Variants in BMERB1 observed in about 807,000 individuals in gnomAD.
BMERB1 encodes bMERB domain-containing protein 1.
A neutral mutation model predicts 23.6 loss-of-function variants in BMERB1; 12 were observed. The observed-to-expected ratio is 0.51, with a 90% CI of 0.33 to 0.82. BMERB1 has a LOEUF of 0.82. BMERB1 is among the 40% of genes least tolerant of loss of function. BMERB1 has a pLI of 0.03. For missense variants in BMERB1, 247 were observed against 255.4 expected, an observed-to-expected ratio of 0.97 and a Z score of 0.22; for synonymous variants, 122 against 96.6, an observed-to-expected ratio of 1.26 and a Z score of -1.54.
At chr16:15,511,990 G>T (rs943854745) in intron 1 of BMERB1, among the ~76,000 whole-genome samples, 2 of 107,774 alleles carry the variant, frequency 1.9e-5, no homozygotes, top group African/African-American at 6.9e-5. Flanking sequence ...TCCAGCCTGG[G>T]CAACAGAGCA....
chr16:15,564,024 CT>C (rs2030499166), intron 2 of BMERB1, among the ~76,000 whole-genome samples: 1 of 152,184 alleles, frequency 6.6e-6, no homozygotes, highest in African/African-American at 2.4e-5. Context: ...GCACCTCCCC[CT>C]CTCTCTTGCT....
chr16:15,514,193 C>T (rs1488219070), intron 1 of BMERB1, among the ~76,000 whole-genome samples: 1 of 152,068 alleles, frequency 6.6e-6, no homozygotes, highest in Non-Finnish European at 1.5e-5. Flanking sequence ...CCCTTGAGCC[C>T]AGGGTTCGAG....
At chr16:15,502,438 G>A in intron 1 of BMERB1, 1 of 1,338,444 alleles carries the variant, frequency 7.5e-7, no homozygotes. Context: ...GAGAAATCGA[G>A]CAGCCAGGAG....
intron 2 of BMERB1, among the ~76,000 whole-genome samples, chr16:15,529,326 G>A (rs547462183): frequency 1.3e-5 from 2 of 152,150 alleles, no homozygotes; most frequent in East Asian, 1.9e-4. Flanking sequence ...GCGCCCGGCG[G>A]TGTTTGTTGT....
intron 3 of BMERB1, among the ~76,000 whole-genome samples, chr16:15,580,095 ATT>A (rs35772701): frequency 3.5e-4 from 50 of 140,846 alleles, no homozygotes; most frequent in Middle Eastern, 3.9e-3. Context: ...TGCCCTCTCA[ATT>A]TTTTTTTTTT....
intron 1 of BMERB1, among the ~76,000 whole-genome samples, chr16:15,435,340 A>T (rs764259935): frequency 2.6e-5 from 4 of 152,200 alleles, no homozygotes; most frequent in Non-Finnish European, 5.9e-5. Context: ...CTCTTGACTC[A>T]GTTAAAGTCT....
In BMERB1 at chr16:15,491,397, A is replaced by G. The variant is rs181856630; in HGVS notation, c.107-23908A>G. ...AGACAGAGTTTCCCTCTTGTTGCCC[A>G]GTCTGGAGTGCAATGGTGAGATCTT... On this transcript the variant is annotated intron_variant, in intron 1 of 5. Transcript: ENST00000300006. 4.0e-5 allele frequency among the ~76,000 whole-genome samples: 6 copies of G among 150,420 alleles called. No individual in the cohort carries two copies. In the East Asian group the frequency reaches 1.0e-3, roughly 25 times the overall value.
chr16:15,483,100 C>T (rs2051337723), intron 1 of BMERB1, among the ~76,000 whole-genome samples: 1 of 152,158 alleles, frequency 6.6e-6, no homozygotes, highest in South Asian at 2.1e-4. Context: ...CATATCCTGC[C>T]TTTTTCACTC....
At position 15,488,608 on chromosome 16, in the gene BMERB1, T is replaced by TG. The variant is rs372926343; in HGVS notation, c.107-26695dup. Among the ~76,000 whole-genome samples the TG allele has an allele frequency of 3.7e-3, 545 of 147,820 alleles. 4 individuals carry two copies. Among genetic ancestry groups the TG allele is most frequent in the African/African-American group, 0.012 (495 of 40,088 alleles). ...CAGCACTTTGGGAGGCCGAGGCGGG[T>TG]GGATCACGAGGTCAGGAGAGCAAGA... On this transcript the variant is annotated intron_variant, in intron 1 of 5. Coordinates refer to ENST00000300006, the MANE Select transcript of BMERB1 (RefSeq NM_033201.3).
At chr16:15,490,697 A>G (rs552329195) in intron 1 of BMERB1, among the ~76,000 whole-genome samples, 1 of 152,308 alleles carries the variant, frequency 6.6e-6, no homozygotes, top group East Asian at 1.9e-4. Context: ...CATTCAGCCA[A>G]TTCTGTGCGA....
At position 15,577,871 on chromosome 16, in the gene BMERB1, C is replaced by T. The variant is rs150999252; in HGVS notation, c.305-3346C>T. 2.6e-5 allele frequency among the ~76,000 whole-genome samples: 4 copies of T among 152,324 alleles called. No homozygotes were observed. In the East Asian group the frequency reaches 7.7e-4, roughly 29 times the overall value. ...ATACCAGTTAGACTCCGCCATTTTG[C>T]CTCTTAATGTGCATGCTTGAGCCCA... On this transcript the variant is annotated intron_variant, in intron 3 of 5. Coordinates refer to ENST00000300006, the MANE Select transcript of BMERB1 (RefSeq NM_033201.3).
At chr16:15,499,396 T>TA (rs887324289) in intron 1 of BMERB1, among the ~76,000 whole-genome samples, 1 of 150,950 alleles carries the variant, frequency 6.6e-6, no homozygotes, top group Non-Finnish European at 1.5e-5. Flanking sequence ...AGACTCCATC[T>TA]AAAAAAATAA....
intron 1 of BMERB1, 86 bp from the exon 2 acceptor site, chr16:15,515,219 A>G (rs372012252): frequency 6.3e-7 from 1 of 1,584,904 alleles, no homozygotes; most frequent in African/African-American, 1.3e-5. Context: ...GTCGCAGAGC[A>G]AGGCTGTGCC....
intron 2 of BMERB1, among the ~76,000 whole-genome samples, chr16:15,521,511 C>A (rs1016235821): frequency 1.3e-5 from 2 of 152,302 alleles, no homozygotes; most frequent in Middle Eastern, 3.4e-3. Flanking sequence ...GGAACCACCC[C>A]AACCCAGGAC....
intron 4 of BMERB1, 107 bp downstream of exon 4, chr16:15,581,438 C>A: frequency 2.3e-6 from 2 of 868,188 alleles, no homozygotes; most frequent in Non-Finnish European, 3.6e-6. Flanking sequence ...GCCTAACAGG[C>A]ATGGCCTTGA....
rs1362866927 is a variant in BMERB1, at chr16:15,453,447, G to A, written c.106+18688G>A. Among the ~76,000 whole-genome samples the A allele has an allele frequency of 2.0e-5, 3 of 152,042 alleles. No homozygotes were observed. The East Asian group carries it at 5.8e-4, about 29-fold the overall frequency. ...AAAATAATTACCTGGGTGTGGTGGT[G>A]TACCTCTAATTCTATTATTAGCTAC... On this transcript the variant is annotated intron_variant, in intron 1 of 5. Transcript: ENST00000300006.
chr16:15,580,364 A>G (rs1181060712), intron 3 of BMERB1, among the ~76,000 whole-genome samples: 3 of 152,066 alleles, frequency 2.0e-5, no homozygotes, highest in Non-Finnish European at 2.9e-5. Context: ...TTGGTCTCCC[A>G]AAGTGCTGGG....
intron 2 of BMERB1, among the ~76,000 whole-genome samples, chr16:15,553,057 G>A (rs1002391182): frequency 9.2e-5 from 14 of 152,084 alleles, no homozygotes; most frequent in African/African-American, 3.4e-4. Flanking sequence ...GCCCAGGCTG[G>A]AGTTCAGTGG....
intron 2 of BMERB1, among the ~76,000 whole-genome samples, chr16:15,515,801 T>A (rs553701661): frequency 1.3e-5 from 2 of 152,246 alleles, no homozygotes; most frequent in East Asian, 3.9e-4. Context: ...TTGGGCAGGT[T>A]ACTTGGACTC....
Sources: allele counts gnomAD v4.1 joint callset (sites outside exome capture counted in the v4.1 genomes callset), GRCh38; gene constraint gnomAD v4.1.1; transcripts MANE v1.5; gene names NCBI Gene and HGNC (gene_info 2026-07-23, HGNC 2026-07-21).